RARS2: variants seen among roughly 807,000 people sequenced by gnomAD.
The protein encoded by RARS2 is arginyl-tRNA synthetase 2, mitochondrial.
RARS2 carries 67 observed loss-of-function variants against 88.5 expected under a neutral mutation model. That is an observed-to-expected ratio of 0.76 (90% CI 0.62 to 0.93). The LOEUF is 0.93. RARS2 is among the 40% of genes least tolerant of loss of function. RARS2 has a pLI of 0.00. For synonymous variants in RARS2, 239 were observed against 230.3 expected (o/e 1.04, Z -0.34); for missense variants, 664 against 684.2 (o/e 0.97, Z 0.33).
chr6:87,539,000 T>A (rs1369251567), intron 8 of RARS2, among the ~76,000 whole-genome samples: 5 of 151,734 alleles, frequency 3.3e-5, no homozygotes, highest in Non-Finnish European at 7.4e-5. Context: ...TGCCACTATA[T>A]TCCAGGCTGG....
rs375263999 is a variant in RARS2 at position 87,523,111 on chromosome 6, T to C, written c.974+1446A>G. ...ATTATCACAAAAATGATGTCACAAA[T>C]AGACACCTGTTATATTTTTTTGGTT... On this transcript the variant is annotated intron_variant, in intron 11 of 19. Coordinates refer to ENST00000369536, the MANE Select transcript of RARS2 (RefSeq NM_020320.5). 1.4e-4 allele frequency among the ~76,000 whole-genome samples: 22 copies of C among 152,192 alleles called. No individual in the cohort carries two copies. The East Asian group carries it at 2.3e-3, about 16-fold the overall frequency.
chr6:87,526,515 TAA>T (rs59113552), intron 10 of RARS2, among the ~76,000 whole-genome samples: 1 of 146,832 alleles, frequency 6.8e-6, no homozygotes, highest in African/African-American at 2.5e-5. Flanking sequence ...GACCCTGTCT[TAA>T]AAAAAAAAAC....
chr6:87,532,259 T>C (rs2128070073), intron 8 of RARS2, among the ~76,000 whole-genome samples: 1 of 152,350 alleles, frequency 6.6e-6, no homozygotes, highest in African/African-American at 2.4e-5. Flanking sequence ...GGTCTGATAC[T>C]GTTATATTTA....
intron 5 of RARS2, among the ~76,000 whole-genome samples, chr6:87,552,714 A>G (rs1395416257): frequency 6.6e-6 from 1 of 152,194 alleles, no homozygotes; most frequent in African/African-American, 2.4e-5. Context: ...CTGAAGCCAC[A>G]GTATTTCTAG....
At chr6:87,529,025 ACT>A (rs1335788969) in intron 10 of RARS2, among the ~76,000 whole-genome samples, 6 of 151,998 alleles carry the variant, frequency 3.9e-5, no homozygotes, top group Non-Finnish European at 8.8e-5. Flanking sequence ...TAAAGAAAAA[ACT>A]CTGACATAAG....
rs556012406 is a variant in RARS2, at chr6:87,514,129, T to C, written c.*284A>G. Among the ~76,000 whole-genome samples, 14 of 152,160 alleles carry C rather than the reference T, an allele frequency of 9.2e-5. No individual in the cohort carries two copies. In the South Asian group the frequency reaches 1.9e-3, roughly 20 times the overall value. On this transcript the variant is annotated 3_prime_UTR_variant, in exon 20 of 20. Transcript: ENST00000369536. ...GAGTGCAAGACCAGCCTGACCAACA[T>C]AGAGAAACCCTGTCTCTACTAAAAA...
intron 5 of RARS2, among the ~76,000 whole-genome samples, chr6:87,554,965 A>G (rs901707841): frequency 3.9e-5 from 6 of 151,994 alleles, no homozygotes; most frequent in African/African-American, 1.2e-4. Context: ...TTAGCCAGGT[A>G]TGGTGGCGGG....
intron 1 of RARS2, among the ~76,000 whole-genome samples, chr6:87,574,016 T>G (rs1770638233): frequency 6.6e-6 from 1 of 152,228 alleles, no homozygotes; most frequent in South Asian, 2.1e-4. Flanking sequence ...ACCCCAAATC[T>G]GGAGAAAAAC....
At chr6:87,514,543 G>T in intron 19 of RARS2, 44 bp from the exon 20 acceptor site, 1 of 1,466,436 alleles carries the variant, frequency 6.8e-7, no homozygotes, top group Non-Finnish European at 9.6e-7. Context: ...TCAGTAACAG[G>T]AATGTATTCA....
chr6:87,548,490 T>G, intron 6 of RARS2, 101 bp downstream of exon 6: 2 of 1,196,380 alleles, frequency 1.7e-6, no homozygotes, highest in South Asian at 1.4e-5. Context: ...AAACTTTTTG[T>G]TTTTTGCTAT....
intron 10 of RARS2, among the ~76,000 whole-genome samples, chr6:87,528,734 T>C (rs1414810339): frequency 6.6e-6 from 1 of 152,102 alleles, no homozygotes; most frequent in Non-Finnish European, 1.5e-5. Context: ...GGGCAGGGAA[T>C]GGGGAGATGT....
At position 87,589,568 on chromosome 6, in the gene RARS2, C is replaced by A. The variant is rs896871110; in HGVS notation, c.36+354G>T. ...GGTCCTTCTGAAGAACAATCCAGAT[C>A]CATCATCAATGTCACTAAAGTGTAA... is the stretch of plus-strand genomic sequence containing the variant. On this transcript the variant is annotated intron_variant, in intron 1 of 19. Transcript: ENST00000369536. The A allele has an allele frequency of 1.2e-5, 9 of 723,580 alleles. No individual in the cohort carries two copies. The Admixed American group carries it at 5.6e-4, about 45-fold the overall frequency. The allele number at this position is 723,580 out of a possible 1,614,324, so 44.8% of individuals were successfully genotyped here. A position where few individuals can be genotyped will look rare whatever the true frequency, so the allele number is the denominator to read the frequency against.
At chr6:87,520,424 G>T (rs756504656) in intron 12 of RARS2, among the ~76,000 whole-genome samples, 168 bp from the exon 13 acceptor site, 3 of 152,142 alleles carry the variant, frequency 2.0e-5, no homozygotes, top group Non-Finnish European at 4.4e-5. Flanking sequence ...TGTCTAAGTG[G>T]ACTGCTCTAC....
intron 1 of RARS2, among the ~76,000 whole-genome samples, chr6:87,582,259 C>T (rs1429538012): frequency 6.6e-6 from 1 of 152,180 alleles, no homozygotes; most frequent in Non-Finnish European, 1.5e-5. Flanking sequence ...CACAATCTCA[C>T]CAGCATCTGT....
At chr6:87,578,080 G>A (rs1285362643) in intron 1 of RARS2, among the ~76,000 whole-genome samples, 2 of 150,870 alleles carry the variant, frequency 1.3e-5, no homozygotes, top group African/African-American at 4.9e-5. Flanking sequence ...CCAGAAGTTC[G>A]AGACCAGCCT....
intron 10 of RARS2, among the ~76,000 whole-genome samples, chr6:87,527,644 G>A (rs926608014): frequency 1.3e-5 from 2 of 151,922 alleles, no homozygotes; most frequent in African/African-American, 4.8e-5. Flanking sequence ...AAAATACGTG[G>A]AAAACATGTA....
rs1782394566 is a variant in RARS2 at position 87,545,628 on chromosome 6, C to T, written c.523G>A (p.Gly175Ser). Reference protein sequence around the residue: ...VIRINYLGDWGMQFGLLGTGF... With the variant: ...VIRINYLGDWSMQFGLLGTGF... ...CAAGTGTACTTACCAAACTGCATGCCCCAATCGCCAAGGTAATTTATTCTT... is the reference window on the plus strand; with the variant it reads ...CAAGTGTACTTACCAAACTGCATGCTCCAATCGCCAAGGTAATTTATTCTT... Residue 175 changes from glycine (G) to serine (S), a missense_variant, in exon 7 of 20, where the codon GGC (glycine) becomes AGC (serine). Physicochemically the swap from Gly to Ser is moderately conservative, Grantham distance 56. Transcript: ENST00000369536. The T allele has an allele frequency of 2.5e-6, 4 of 1,613,648 alleles. No individual in the cohort carries two copies. Among genetic ancestry groups the T allele is most frequent in the Non-Finnish European group, 3.4e-6 (4 of 1,179,840 alleles).
In RARS2 at chr6:87,548,926, A is replaced by G. The variant is rs565002467; in HGVS notation, c.396-280T>C. ...TCAGAAATCAAAATTTAAAAATGTA[A>G]AAATACCCCCAGCACAATGGCTCAT... On this transcript the variant is annotated intron_variant, in intron 5 of 19. Transcript: ENST00000369536. 2.0e-5 allele frequency among the ~76,000 whole-genome samples: 3 copies of G among 152,308 alleles called. No individual in the cohort carries two copies. The South Asian group carries it at 6.2e-4, about 32-fold the overall frequency.
At chr6:87,587,481 A>T (rs1055074326) in intron 1 of RARS2, among the ~76,000 whole-genome samples, 3 of 152,230 alleles carry the variant, frequency 2.0e-5, no homozygotes, top group Non-Finnish European at 4.4e-5. Flanking sequence ...ACACTGCTGT[A>T]TAAATCCATT....
Sources: gnomAD v4.1 joint callset for allele counts (sites outside exome capture counted in the v4.1 genomes callset) on GRCh38, gnomAD v4.1.1 for gene constraint, MANE v1.5 for transcripts, NCBI Gene and HGNC (gene_info 2026-07-23, HGNC 2026-07-21) for gene names.